Variants in KYNU observed in about 807,000 individuals in gnomAD.
KYNU encodes the protein L-kynurenine hydrolase.
KYNU carries 54 observed loss-of-function variants against 59.2 expected under a neutral mutation model. The observed-to-expected ratio is 0.91, with a 90% CI of 0.73 to 1.14. KYNU has a LOEUF of 1.14. Ranked by LOEUF, KYNU falls within the 50% of genes most tolerant of loss-of-function variation. The pLI is 0.00. For synonymous variants in KYNU, 177 were observed against 192.0 expected (o/e 0.92, Z 0.65); for missense variants, 567 against 554.4 (o/e 1.02, Z -0.23).
Position 142,896,486 on chromosome 2 carries a change from T to C in KYNU, c.169+10950T>C, listed in dbSNP as rs891892936. On this transcript the variant is annotated intron_variant, in intron 2 of 13. Transcript: ENST00000264170. ...TTTTGACTACTTTTTTTTAATTGGA[T>C]TTTTTGTTTTTTAATTGTTGAGTTT... Among the ~76,000 whole-genome samples, 6 of 152,238 alleles carry C rather than the reference T, an allele frequency of 3.9e-5. No homozygotes were observed. The East Asian group carries it at 1.2e-3, about 29-fold the overall frequency.
intron 10 of KYNU, among the ~76,000 whole-genome samples, chr2:142,999,007 CAAAAAAAAAAAA>C (rs59742828): frequency 1.9e-4 from 12 of 63,494 alleles, no homozygotes; most frequent in African/African-American, 7.9e-4. Context: ...GACTCCGTCT[CAAAAAAAAAAAA>C]AAAAAAAAAA....
intron 7 of KYNU, among the ~76,000 whole-genome samples, chr2:142,959,891 G>C (rs989200791): frequency 6.6e-6 from 1 of 152,030 alleles, no homozygotes; most frequent in Non-Finnish European, 1.5e-5. Flanking sequence ...TCAGATAAAA[G>C]ATGTGTAAGT....
intron 11 of KYNU, among the ~76,000 whole-genome samples, chr2:143,031,392 T>G (rs964612444): frequency 6.6e-6 from 1 of 152,190 alleles, no homozygotes; most frequent in South Asian, 2.1e-4. Context: ...AGGTGATACA[T>G]AAGTGAAAGA....
intron 10 of KYNU, among the ~76,000 whole-genome samples, chr2:143,021,865 T>C (rs952178807): frequency 1.3e-5 from 2 of 152,210 alleles, no homozygotes; most frequent in African/African-American, 2.4e-5. Flanking sequence ...AATTTAAGGA[T>C]AATTGACATT....
At chr2:142,923,711 T>C (rs1489256763) in intron 3 of KYNU, among the ~76,000 whole-genome samples, 2 of 152,220 alleles carry the variant, frequency 1.3e-5, no homozygotes, top group East Asian at 3.8e-4. Flanking sequence ...AATCACAATA[T>C]TTTAGGTCAT....
chr2:142,888,830 A>G (rs1022625311), intron 2 of KYNU, among the ~76,000 whole-genome samples: 2 of 150,072 alleles, frequency 1.3e-5, no homozygotes, highest in Non-Finnish European at 3.0e-5. Context: ...TCAGAGAACC[A>G]AAGAGCAAAG....
Position 142,886,139 on chromosome 2 carries a change from G to A in KYNU, c.169+603G>A, listed in dbSNP as rs1681504421. Among the ~76,000 whole-genome samples the A allele has an allele frequency of 1.3e-5, 2 of 152,036 alleles. 1 individual carries two copies. Among genetic ancestry groups the A allele is most frequent in the South Asian group, 4.1e-4 (2 of 4,820 alleles). ...AGTCATTTAAAAAAATAAAACATAA[G>A]TAGCAAAGGTATAACAATAAAAAAT... On this transcript the variant is annotated intron_variant, in intron 2 of 13. Coordinates refer to ENST00000264170, the MANE Select transcript of KYNU (RefSeq NM_003937.3).
intron 4 of KYNU, among the ~76,000 whole-genome samples, chr2:142,940,122 A>G (rs1301673167): frequency 6.6e-6 from 1 of 151,614 alleles, no homozygotes; most frequent in Non-Finnish European, 1.5e-5. Context: ...ATATTTGTGT[A>G]ATAAATCCTT....
chr2:142,998,981 C>G (rs1685627442), intron 10 of KYNU, among the ~76,000 whole-genome samples: 1 of 142,470 alleles, frequency 7.0e-6, no homozygotes, highest in Admixed American at 7.3e-5. Flanking sequence ...TGCACTCCAG[C>G]CTGGCAACAG....
intron 8 of KYNU, among the ~76,000 whole-genome samples, chr2:142,973,435 A>G (rs1021243269): frequency 5.3e-5 from 8 of 152,140 alleles, no homozygotes; most frequent in African/African-American, 1.9e-4. Context: ...GGGAAGCCCC[A>G]ATACACTGGC....
rs75299935 is a variant in KYNU, at chr2:142,989,608, T to C, written c.902+3587T>C. 772 of 590,082 alleles carry C rather than the reference T, an allele frequency of 1.3e-3. 13 individuals are homozygous for C. The African/African-American group carries it at 0.014, about 11-fold the overall frequency. 36.6% of individuals were successfully genotyped at this position (590,082 alleles called of 1,614,324 possible). On this transcript the variant is annotated intron_variant, in intron 10 of 13. Coordinates refer to ENST00000264170, the MANE Select transcript of KYNU (RefSeq NM_003937.3). ...GAAGTATATATGTTTGAATTATGTGTTCTTCTTTTTGACAATTTGACTATA... is the reference window on the plus strand; with the variant it reads ...GAAGTATATATGTTTGAATTATGTGCTCTTCTTTTTGACAATTTGACTATA...
At chr2:143,036,529 A>C (rs1686899424) in intron 12 of KYNU, among the ~76,000 whole-genome samples, 1 of 152,216 alleles carries the variant, frequency 6.6e-6, no homozygotes, top group Non-Finnish European at 1.5e-5. Flanking sequence ...TGCTGCTTGG[A>C]CCAGTATAAG....
At chr2:143,029,597 A>C (rs752570528) in intron 10 of KYNU, 30 bp from the exon 11 acceptor site, 14 of 1,555,298 alleles carry the variant, frequency 9.0e-6, no homozygotes, top group African/African-American at 4.1e-5. Context: ...AAAAACCCCC[A>C]AAAACCTAAT....
chr2:142,956,286 T>C lies in KYNU; in HGVS notation c.507+12T>C. On this transcript the variant is annotated intron_variant, in intron 6 of 13. Transcript: ENST00000264170. ...TCCCTTCTGATCATGTAAGGACTTC[T>C]TCAAATTGTATTTATGTTCTTTCTA... 6.5e-7 allele frequency: 1 copy of C among 1,533,820 alleles called. No homozygotes were observed. The highest frequency in any genetic ancestry group is 9.0e-7 in the Non-Finnish European group (1 of 1,107,774).
At chr2:142,947,480 T>C (rs1683830178) in intron 4 of KYNU, 2 of 371,726 alleles carry the variant, frequency 5.4e-6, no homozygotes, top group African/African-American at 2.0e-5. Flanking sequence ...TCTTCTGAGA[T>C]GGTCCATGAC....
At chr2:142,973,997 T>C (rs565547462) in intron 8 of KYNU, among the ~76,000 whole-genome samples, 1 of 152,274 alleles carries the variant, frequency 6.6e-6, no homozygotes, top group East Asian at 1.9e-4. Flanking sequence ...TTATGTATGC[T>C]CCAATTCGTT....
chr2:142,964,305 A>G (rs139641632), intron 8 of KYNU, among the ~76,000 whole-genome samples: 2 of 152,268 alleles, frequency 1.3e-5, no homozygotes, highest in East Asian at 3.9e-4. Context: ...TCTGTTAAGT[A>G]TATACCTAGA....
chr2:142,918,575 T>G, intron 2 of KYNU, 34 bp from the exon 3 acceptor site: 4 of 1,039,112 alleles, frequency 3.8e-6, no homozygotes, highest in Non-Finnish European at 4.9e-6. Flanking sequence ...AGCTTTTATT[T>G]TTTTTTTTTT....
chr2:142,891,324 T>C lies in KYNU; in HGVS notation c.169+5788T>C, dbSNP rs16858209. ...CAGTAATCTACTGAACTTGCTGTTA[T>C]TTTGATCTATATAGAAGATTATTAA... On this transcript the variant is annotated intron_variant, in intron 2 of 13. Transcript: ENST00000264170. 5.3e-3 allele frequency among the ~76,000 whole-genome samples: 809 copies of C among 152,314 alleles called. 10 individuals are homozygous for C. Among genetic ancestry groups the C allele is most frequent in the African/African-American group, 0.019 (770 of 41,570 alleles).
Sources: gnomAD v4.1 joint callset for allele counts (sites outside exome capture counted in the v4.1 genomes callset) on GRCh38, gnomAD v4.1.1 for gene constraint, MANE v1.5 for transcripts, NCBI Gene and HGNC (gene_info 2026-07-23, HGNC 2026-07-21) for gene names.